The following SCGN variants were observed in gnomAD, a reference collection of about 807,000 sequenced individuals.
SCGN encodes secretagogin.
A neutral mutation model predicts 39.7 loss-of-function variants in SCGN; 30 were observed. The observed-to-expected ratio is 0.76, with a 90% CI of 0.57 to 1.03. The LOEUF (loss-of-function observed/expected upper bound fraction) is 1.03. Among genes scored for constraint, SCGN ranks in the 50% least tolerant of loss-of-function variants. The probability of loss-of-function intolerance (pLI) is 0.00; values close to 1 mark genes in which losing one functional copy is unlikely to be tolerated. For missense variants in SCGN, 353 were observed against 349.4 expected (o/e 1.01, Z -0.08); for synonymous variants, 106 against 114.1 (o/e 0.93, Z 0.45).
intron 8 of SCGN, 93 bp downstream of exon 8, chr6:25,689,310 C>T (rs1010814964): frequency 2.6e-6 from 3 of 1,173,106 alleles, no homozygotes; most frequent in East Asian, 2.3e-5. Flanking sequence ...TCTATTTGCC[C>T]TACTTTTTAA....
chr6:25,696,874 T>C (rs1186643952), intron 10 of SCGN, among the ~76,000 whole-genome samples: 1 of 152,136 alleles, frequency 6.6e-6, no homozygotes, highest in Non-Finnish European at 1.5e-5. Flanking sequence ...TGCCATCTCT[T>C]GGGTGATGAA....
chr6:25,688,703 G>A (rs1759736004), intron 7 of SCGN, among the ~76,000 whole-genome samples: 1 of 150,758 alleles, frequency 6.6e-6, no homozygotes, highest in Admixed American at 6.6e-5. Context: ...TTGGGAGGCT[G>A]AGGCAGGAGA....
Position 25,657,789 on chromosome 6 carries a change from C to T in SCGN, c.154-3763C>T, listed in dbSNP as rs149076705. Among the ~76,000 whole-genome samples, 1,353 of 150,550 alleles carry T rather than the reference C, an allele frequency of 9.0e-3. 17 individuals carry two copies. The highest frequency in any genetic ancestry group is 0.03 in the African/African-American group (1,224 of 41,134). On this transcript the variant is annotated intron_variant, in intron 2 of 10. Coordinates refer to ENST00000377961, the MANE Select transcript of SCGN (RefSeq NM_006998.4). ...CCTTTGGAGGATGCCTTAAGTCATA[C>T]TCACCACCACTCTTTGGTCCTTCAT...
intron 2 of SCGN, among the ~76,000 whole-genome samples, chr6:25,660,200 G>A (rs1432524260): frequency 6.6e-6 from 1 of 152,178 alleles, no homozygotes; most frequent in African/African-American, 2.4e-5. Context: ...GTCCAAAAAT[G>A]TTTATTCACC....
At chr6:25,653,524 T>C in intron 2 of SCGN, 72 bp downstream of exon 2, 1 of 1,102,072 alleles carries the variant, frequency 9.1e-7, no homozygotes, top group Non-Finnish European at 1.4e-6. Context: ...TTATATTGAT[T>C]GGTACCTATT....
chr6:25,670,999 GC>G (rs1282386301), intron 6 of SCGN, among the ~76,000 whole-genome samples: 2 of 152,054 alleles, frequency 1.3e-5, no homozygotes, highest in Admixed American at 6.6e-5. Flanking sequence ...TGCTGACAAA[GC>G]CTTAATTACT....
chr6:25,669,082 G>A (rs905875582), intron 4 of SCGN, among the ~76,000 whole-genome samples: 4 of 147,144 alleles, frequency 2.7e-5, no homozygotes, highest in African/African-American at 1.0e-4. Flanking sequence ...CTGCAGTCCA[G>A]CCTGGGCGAC....
At chr6:25,662,648 A>G (rs1288175769) in intron 3 of SCGN, among the ~76,000 whole-genome samples, 1 of 152,204 alleles carries the variant, frequency 6.6e-6, no homozygotes, top group Non-Finnish European at 1.5e-5. Flanking sequence ...TCCCTTTATA[A>G]AAAGTGGGCG....
chr6:25,657,421 T>C (rs1201644203), intron 2 of SCGN, among the ~76,000 whole-genome samples: 1 of 152,148 alleles, frequency 6.6e-6, no homozygotes, highest in Non-Finnish European at 1.5e-5. Flanking sequence ...TAGAATAATG[T>C]TTTGGCCTGC....
At chr6:25,689,583 T>C (rs1196056932) in intron 9 of SCGN, 51 bp downstream of exon 9, 4 of 1,479,600 alleles carry the variant, frequency 2.7e-6, no homozygotes, top group African/African-American at 2.8e-5. Context: ...AGGAAACTTA[T>C]TTAACCCCTA....
chr6:25,676,906 A>C (rs1759570827), intron 6 of SCGN, among the ~76,000 whole-genome samples: 1 of 152,214 alleles, frequency 6.6e-6, no homozygotes, highest in South Asian at 2.1e-4. Context: ...ACGCACGAAT[A>C]AATGAATGAA....
intron 4 of SCGN, among the ~76,000 whole-genome samples, chr6:25,666,917 G>T (rs1052412957): frequency 3.3e-5 from 5 of 151,910 alleles, no homozygotes; most frequent in African/African-American, 9.7e-5. Flanking sequence ...TTTTCAAAAC[G>T]ATTCTAATTG....
At chr6:25,653,586 T>C in intron 2 of SCGN, 134 bp downstream of exon 2, 2 of 653,158 alleles carry the variant, frequency 3.1e-6, no homozygotes, top group South Asian at 4.1e-5. Flanking sequence ...TCTCCCCCTC[T>C]CCTAGCAACA....
At chr6:25,697,334 A>AT (rs1759851660) in intron 10 of SCGN, among the ~76,000 whole-genome samples, 2 of 152,208 alleles carry the variant, frequency 1.3e-5, no homozygotes, top group Admixed American at 1.3e-4. Flanking sequence ...ACATGTTGTA[A>AT]TTTTGCATGG....
At chr6:25,685,650 G>A (rs912812293) in intron 7 of SCGN, among the ~76,000 whole-genome samples, 1 of 151,752 alleles carries the variant, frequency 6.6e-6, no homozygotes, top group African/African-American at 2.4e-5. Flanking sequence ...TTCTATTAAA[G>A]TATAATTATA....
At chr6:25,688,530 C>T (rs1040056815) in intron 7 of SCGN, among the ~76,000 whole-genome samples, 1 of 152,096 alleles carries the variant, frequency 6.6e-6, no homozygotes, top group Non-Finnish European at 1.5e-5. Flanking sequence ...GGCCCGGTGC[C>T]GTGGCTCACG....
intron 7 of SCGN, among the ~76,000 whole-genome samples, chr6:25,685,921 C>T (rs1179264555): frequency 6.6e-6 from 1 of 152,092 alleles, no homozygotes; most frequent in African/African-American, 2.4e-5. Flanking sequence ...CCCACAAGGC[C>T]CTGGCAACCA....
At position 25,683,621 on chromosome 6, in the gene SCGN, C is replaced by G. The variant is rs192631945; in HGVS notation, c.527+1615C>G. Among the ~76,000 whole-genome samples the G allele has an allele frequency of 1.6e-3, 241 of 148,406 alleles. 3 individuals carry two copies. The highest frequency in any genetic ancestry group is 2.5e-3 in the Admixed American group (37 of 15,084). The stretch of plus-strand genomic sequence containing the variant: ...AAGCAGTTAATGATAAAATAATGCA[C>G]ATTTCAGTGTATAAGTGCTTGCATA... On this transcript the variant is annotated intron_variant, in intron 7 of 10. Coordinates refer to ENST00000377961, the MANE Select transcript of SCGN (RefSeq NM_006998.4).
intron 4 of SCGN, 151 bp from the exon 5 acceptor site, chr6:25,669,360 T>C (rs543463822): frequency 1.7e-4 from 105 of 610,414 alleles, no homozygotes; most frequent in Non-Finnish European, 1.2e-4. Flanking sequence ...TGCCCAAAAT[T>C]GCTCTCACCA....
Sources: gnomAD v4.1 joint callset for allele counts (sites outside exome capture counted in the v4.1 genomes callset) on GRCh38, gnomAD v4.1.1 for gene constraint, MANE v1.5 for transcripts, NCBI Gene and HGNC (gene_info 2026-07-23, HGNC 2026-07-21) for gene names.